The following PPFIA1 variants were observed in gnomAD, a reference collection of about 807,000 sequenced individuals.
The protein encoded by PPFIA1 is PPFI scaffold protein A1, also known as liprin-alpha-1.
A neutral mutation model predicts 149.9 loss-of-function variants in PPFIA1; 25 were observed. The ratio of observed to expected loss-of-function variants is 0.17; its 90% CI spans 0.12 to 0.23. The LOEUF is 0.23. Ranked by LOEUF, PPFIA1 falls within the 10% of genes least tolerant of loss-of-function variation. The pLI is 1.00. For missense variants in PPFIA1, 1,362 were observed against 1,506.5 expected (o/e 0.90, Z 1.59); for synonymous variants, 549 against 552.8 (o/e 0.99, Z 0.10).
At chr11:70,324,803 A>T in intron 3 of PPFIA1, 44 bp from the exon 4 acceptor site, 1 of 1,460,900 alleles carries the variant, frequency 6.8e-7, no homozygotes, top group South Asian at 1.3e-5. Flanking sequence ...TCATGAAATT[A>T]AAAATGCTGT....
chr11:70,348,503 AAATC>A, intron 16 of PPFIA1, 83 bp downstream of exon 16: 1 of 1,118,148 alleles, frequency 8.9e-7, no homozygotes, highest in Non-Finnish European at 1.3e-6. Context: ...ACCCACAAGA[AAATC>A]AAGTACATTC....
intron 2 of PPFIA1, among the ~76,000 whole-genome samples, chr11:70,308,635 A>G (rs1250797774): frequency 6.6e-6 from 1 of 152,160 alleles, no homozygotes; most frequent in East Asian, 1.9e-4. Flanking sequence ...ATTCTTTTAA[A>G]AAATTGATCG....
At chr11:70,318,516 G>A (rs962083738) in intron 2 of PPFIA1, among the ~76,000 whole-genome samples, 2 of 152,188 alleles carry the variant, frequency 1.3e-5, no homozygotes, top group African/African-American at 2.4e-5. Flanking sequence ...CTATGCAAAT[G>A]TCTGTCTCAT....
intron 2 of PPFIA1, among the ~76,000 whole-genome samples, chr11:70,316,941 T>C (rs145618898): frequency 4.6e-4 from 70 of 152,358 alleles, no homozygotes; most frequent in African/African-American, 1.6e-3. Context: ...AACCAAGTTC[T>C]TTAGCTGATT....
intron 2 of PPFIA1, among the ~76,000 whole-genome samples, chr11:70,304,414 C>T (rs1016029125): frequency 5.3e-5 from 8 of 152,136 alleles, no homozygotes; most frequent in African/African-American, 9.7e-5. Flanking sequence ...GCAGCCCTCC[C>T]GTCTTAGCCT....
At chr11:70,310,705 C>G (rs986893242) in intron 2 of PPFIA1, among the ~76,000 whole-genome samples, 49 of 152,092 alleles carry the variant, frequency 3.2e-4, no homozygotes, top group Non-Finnish European at 6.2e-4. Flanking sequence ...TCTAAAAGCA[C>G]TAAGGGCTTT....
At chr11:70,349,127 T>A in intron 16 of PPFIA1, among the ~76,000 whole-genome samples, 1 of 131,656 alleles carries the variant, frequency 7.6e-6, no homozygotes, top group Non-Finnish European at 1.6e-5. Flanking sequence ...TTCCTGGGCA[T>A]CTACTACCAA....
At chr11:70,375,180 T>A in intron 24 of PPFIA1, 87 bp downstream of exon 24, 1 of 270,504 alleles carries the variant, frequency 3.7e-6, no homozygotes, top group Non-Finnish European at 5.1e-6. Flanking sequence ...GAAAGAAACT[T>A]TAAAAAAAAA....
At chr11:70,312,644 A>G (rs2053361628) in intron 2 of PPFIA1, among the ~76,000 whole-genome samples, 1 of 152,146 alleles carries the variant, frequency 6.6e-6, no homozygotes, top group African/African-American at 2.4e-5. Flanking sequence ...GTGCCGCCTC[A>G]ACATCGTGGA....
intron 21 of PPFIA1, chr11:70,365,400 G>A (rs898163472): frequency 1.3e-5 from 6 of 456,598 alleles, no homozygotes; most frequent in East Asian, 7.0e-5. Flanking sequence ...GTTAACACAC[G>A]AAGAGATGGA....
At chr11:70,304,185 A>G (rs1002416933) in intron 2 of PPFIA1, among the ~76,000 whole-genome samples, 1 of 152,186 alleles carries the variant, frequency 6.6e-6, no homozygotes, top group Non-Finnish European at 1.5e-5. Context: ...CTAAAAGGAT[A>G]GGATTCTGGG....
At chr11:70,282,564 T>C (rs1340064156) in intron 2 of PPFIA1, among the ~76,000 whole-genome samples, 1 of 136,880 alleles carries the variant, frequency 7.3e-6, no homozygotes, top group Non-Finnish European at 1.5e-5. Flanking sequence ...AGTCTTGCTC[T>C]GTCACCCAGG....
At chr11:70,284,075 C>A in intron 2 of PPFIA1, 1 of 506,412 alleles carries the variant, frequency 2.0e-6, no homozygotes, top group Non-Finnish European at 4.1e-6. Flanking sequence ...TTGGCTACAA[C>A]TGTAATTTGT....
intron 7 of PPFIA1, 43 bp from the exon 8 acceptor site, chr11:70,330,130 T>A (rs2054564068): frequency 6.6e-7 from 1 of 1,510,372 alleles, no homozygotes. Flanking sequence ...TGTGTAATCG[T>A]TAATTACCTA....
At chr11:70,375,953 A>G (rs1489946549) in intron 24 of PPFIA1, among the ~76,000 whole-genome samples, 3 of 152,052 alleles carry the variant, frequency 2.0e-5, no homozygotes, top group African/African-American at 4.8e-5. Context: ...TTAAAATATT[A>G]TTATGGTTCA....
chr11:70,332,698 G>A (rs1386055081), intron 9 of PPFIA1, among the ~76,000 whole-genome samples: 2 of 152,186 alleles, frequency 1.3e-5, no homozygotes, highest in African/African-American at 2.4e-5. Context: ...TCCTGGGATC[G>A]GCGAGTACCC....
intron 12 of PPFIA1, 91 bp from the exon 13 acceptor site, chr11:70,338,283 G>C: frequency 1.9e-6 from 2 of 1,035,512 alleles, no homozygotes; most frequent in Non-Finnish European, 3.0e-6. Flanking sequence ...TAACCTGTTA[G>C]GGTTATGCCC....
chr11:70,365,210 AGG>A, intron 21 of PPFIA1: 1 of 278,446 alleles, frequency 3.6e-6, no homozygotes, highest in South Asian at 3.2e-5. Flanking sequence ...CAGTGTTAAC[AGG>A]GAATGGTTAT....
intron 9 of PPFIA1, 150 bp from the exon 10 acceptor site, chr11:70,333,320 G>A: frequency 1.5e-6 from 1 of 680,694 alleles, no homozygotes; most frequent in Non-Finnish European, 2.7e-6. Context: ...AGCCCCGTAG[G>A]CTGTGTTGAT....
Sources: gnomAD v4.1 joint callset for allele counts (sites outside exome capture counted in the v4.1 genomes callset) on GRCh38, gnomAD v4.1.1 for gene constraint, MANE v1.5 for transcripts, NCBI Gene and HGNC (gene_info 2026-07-23, HGNC 2026-07-21) for gene names.